ARHGEF3: variants seen among roughly 807,000 people sequenced by gnomAD.
ARHGEF3 encodes the protein Rho guanine nucleotide exchange factor 3.
Under a neutral mutation model 63.2 loss-of-function variants are expected in ARHGEF3, and 28 were observed. The ratio of observed to expected loss-of-function variants is 0.44; its 90% CI spans 0.33 to 0.61. The LOEUF (loss-of-function observed/expected upper bound fraction) is 0.61. ARHGEF3 is among the 20% of genes least tolerant of loss of function. ARHGEF3 has a pLI of 0.03. For missense variants in ARHGEF3, 533 were observed against 659.3 expected (o/e 0.81, Z 2.10); for synonymous variants, 266 against 254.2 (o/e 1.05, Z -0.44).
chr3:57,009,262 T>TA (rs1488191282), intron 2 of ARHGEF3, among the ~76,000 whole-genome samples: 2 of 152,066 alleles, frequency 1.3e-5, no homozygotes, highest in African/African-American at 4.8e-5. Flanking sequence ...ATTTTTTATT[T>TA]AAAAAAAATA....
chr3:57,014,827 C>T (rs1193711775), intron 2 of ARHGEF3, among the ~76,000 whole-genome samples: 1 of 151,690 alleles, frequency 6.6e-6, no homozygotes, highest in African/African-American at 2.4e-5. Flanking sequence ...ACTACAGGCG[C>T]CCGCCACTGC....
chr3:57,018,651 G>T (rs923045936), intron 2 of ARHGEF3, among the ~76,000 whole-genome samples: 5 of 152,232 alleles, frequency 3.3e-5, no homozygotes, highest in African/African-American at 1.2e-4. Context: ...GTTCACATTT[G>T]GGGGAGGTTG....
At chr3:57,055,162 G>GTTT (rs1560165562) in intron 1 of ARHGEF3, among the ~76,000 whole-genome samples, 3,096 of 139,722 alleles carry the variant, frequency 0.022, 137 homozygotes, top group African/African-American at 0.078. Context: ...TTCTCTTTAT[G>GTTT]CTTTTTTTTT....
intron 4 of ARHGEF3, among the ~76,000 whole-genome samples, chr3:56,845,162 G>A (rs867872461): frequency 3.8e-4 from 58 of 152,284 alleles, no homozygotes; most frequent in Middle Eastern, 3.4e-3. Context: ...ATGTAAGTTT[G>A]GAAACAGACC....
At chr3:57,054,055 G>T (rs1165485273) in intron 1 of ARHGEF3, among the ~76,000 whole-genome samples, 1 of 152,206 alleles carries the variant, frequency 6.6e-6, no homozygotes, top group Non-Finnish European at 1.5e-5. Context: ...GTAGGCATCT[G>T]TTAAGTTTGG....
intron 4 of ARHGEF3, among the ~76,000 whole-genome samples, chr3:56,813,466 G>A (rs1227053547): frequency 1.3e-5 from 2 of 152,172 alleles, no homozygotes; most frequent in Non-Finnish European, 2.9e-5. Flanking sequence ...TCCCCTGGCT[G>A]GGGAGGGATC....
chr3:56,861,484 C>A (rs2040070233), intron 4 of ARHGEF3, among the ~76,000 whole-genome samples: 1 of 152,140 alleles, frequency 6.6e-6, no homozygotes, highest in Admixed American at 6.5e-5. Flanking sequence ...GTCTTCCTAG[C>A]AGGAAAAGCA....
intron 3 of ARHGEF3, among the ~76,000 whole-genome samples, chr3:56,886,975 G>A (rs555600152): frequency 6.6e-6 from 1 of 152,306 alleles, no homozygotes; most frequent in East Asian, 1.9e-4. Context: ...GGTCTAGGAA[G>A]GTGTTGAGCA....
intron 2 of ARHGEF3, among the ~76,000 whole-genome samples, chr3:57,033,966 AC>A (rs1159567877): frequency 6.6e-6 from 1 of 151,920 alleles, no homozygotes; most frequent in Non-Finnish European, 1.5e-5. Flanking sequence ...AATCGTTTGA[AC>A]CCAGGAGGTG....
At chr3:56,932,738 G>GTAAC (rs2042447618) in intron 3 of ARHGEF3, among the ~76,000 whole-genome samples, 1 of 152,124 alleles carries the variant, frequency 6.6e-6, no homozygotes, top group African/African-American at 2.4e-5. Context: ...AGATGACCAA[G>GTAAC]TAACACTACC....
At chr3:56,778,384 GCTAA>G (rs2036384869) in intron 1 of ARHGEF3, among the ~76,000 whole-genome samples, 1 of 152,070 alleles carries the variant, frequency 6.6e-6, no homozygotes, top group South Asian at 2.1e-4. Flanking sequence ...CCAGGGCCTG[GCTAA>G]CTTTTTCTGT....
At position 56,773,782 on chromosome 3, in the gene ARHGEF3, C is replaced by G; in HGVS notation, c.131G>C (p.Arg44Pro). Residue 44 changes from arginine (R) to proline (P), a missense_variant, in exon 2 of 10, where the codon CGA becomes CCA. Arg to Pro is a moderately radical substitution (Grantham distance 103, BLOSUM62 -2). This residue lies in a region of ARHGEF3 where 160 missense variants were observed against 157.3 expected (regional missense o/e 1.02). Coordinates refer to ENST00000296315, the MANE Select transcript of ARHGEF3 (RefSeq NM_019555.3). ...PSNKRVKPLSRVTSLANLIPP... is the reference protein window; with the variant it reads ...PSNKRVKPLSPVTSLANLIPP... ...GATGAGGTTTGCTAGCGACGTGACT[C>G]GGGAAAGGGGTTTGACCCGTTTATT... The G allele has an allele frequency of 6.2e-7, 1 of 1,600,784 alleles. No homozygotes were observed. Among genetic ancestry groups the G allele is most frequent in the Non-Finnish European group, 8.5e-7 (1 of 1,175,608 alleles).
At chr3:57,001,986 T>G (rs565880001) in intron 2 of ARHGEF3, among the ~76,000 whole-genome samples, 1 of 135,866 alleles carries the variant, frequency 7.4e-6, no homozygotes, top group Admixed American at 8.7e-5. Flanking sequence ...TGCAGTGGCG[T>G]GATCTCGGCT....
At chr3:56,783,612 G>A (rs1437529817) in intron 1 of ARHGEF3, among the ~76,000 whole-genome samples, 1 of 152,106 alleles carries the variant, frequency 6.6e-6, no homozygotes, top group Non-Finnish European at 1.5e-5. Flanking sequence ...AAAGAGCCTT[G>A]GGAAATAATT....
intron 1 of ARHGEF3, among the ~76,000 whole-genome samples, chr3:57,067,803 C>T (rs1196097597): frequency 6.8e-6 from 1 of 147,926 alleles, no homozygotes; most frequent in Non-Finnish European, 1.5e-5. Context: ...CACGGTGAAA[C>T]CCCGTCTCTA....
At chr3:56,836,918 C>A (rs138113410) in intron 4 of ARHGEF3, among the ~76,000 whole-genome samples, 2,274 of 152,094 alleles carry the variant, frequency 0.015, 59 homozygotes, top group African/African-American at 0.052. Flanking sequence ...CAGAGTGAGA[C>A]CCTGTCTCAA....
intron 1 of ARHGEF3, among the ~76,000 whole-genome samples, chr3:57,049,098 G>A (rs74748214): frequency 1.3e-3 from 191 of 152,318 alleles, no homozygotes; most frequent in Non-Finnish European, 2.2e-3. Flanking sequence ...AGCCGGGCAC[G>A]GTGGCTTATG....
At chr3:56,777,981 A>G (rs987832426) in intron 1 of ARHGEF3, among the ~76,000 whole-genome samples, 2 of 152,178 alleles carry the variant, frequency 1.3e-5, no homozygotes, top group Non-Finnish European at 2.9e-5. Context: ...AAATTCCAGG[A>G]AAGCCTTTTC....
intron 3 of ARHGEF3, chr3:56,898,567 T>C: frequency 4.3e-6 from 1 of 234,480 alleles, no homozygotes; most frequent in South Asian, 3.7e-5. Flanking sequence ...TAGTTTGGAG[T>C]TCCCCTAAAG....
Sources: gnomAD v4.1 joint callset for allele counts (sites outside exome capture counted in the v4.1 genomes callset) on GRCh38, gnomAD v4.1.1 for gene constraint, gnomAD v4.1.1 regional missense constraint, MANE v1.5 for transcripts, NCBI Gene and HGNC (gene_info 2026-07-23, HGNC 2026-07-21) for gene names.